Variants in MCTP2 observed in about 807,000 individuals in gnomAD.
MCTP2 encodes the protein multiple C2 and transmembrane domain containing 2.
Under a neutral mutation model 111.6 loss-of-function variants are expected in MCTP2, and 132 were observed. The observed-to-expected ratio is 1.18, with a 90% CI of 1.03 to 1.37. The LOEUF (loss-of-function observed/expected upper bound fraction) is 1.37, where lower values mean the gene tolerates loss of function less well. MCTP2 is among the 40% of genes most tolerant of loss of function. MCTP2 has a pLI of 0.00. For missense variants in MCTP2, 1,183 were observed against 1,067.9 expected, an observed-to-expected ratio of 1.11 and a Z score of -1.50; for synonymous variants, 395 against 387.7, an observed-to-expected ratio of 1.02 and a Z score of -0.22.
intron 4 of MCTP2, among the ~76,000 whole-genome samples, chr15:94,329,224 G>A (rs2152387583): frequency 6.6e-6 from 1 of 152,234 alleles, no homozygotes; most frequent in African/African-American, 2.4e-5. Flanking sequence ...GAAGCCTTTA[G>A]AGTGAAAACA....
At chr15:94,404,680 C>T (rs1218038266) in intron 17 of MCTP2, among the ~76,000 whole-genome samples, 1 of 151,342 alleles carries the variant, frequency 6.6e-6, no homozygotes, top group Non-Finnish European at 1.5e-5. Context: ...AAAACGCCTT[C>T]ATTTATGTAC....
intron 12 of MCTP2, among the ~76,000 whole-genome samples, chr15:94,379,866 CAT>C (rs77018457): frequency 0.029 from 4,124 of 142,414 alleles, 92 homozygotes; most frequent in Non-Finnish European, 0.045. Context: ...TAATATATGA[CAT>C]ATAATCTATA....
intron 1 of MCTP2, among the ~76,000 whole-genome samples, chr15:94,236,631 C>A (rs1310841073): frequency 6.6e-6 from 1 of 151,946 alleles, no homozygotes; most frequent in Non-Finnish European, 1.5e-5. Flanking sequence ...TCTATGCATG[C>A]GTTCATTCAT....
chr15:94,433,900 T>C (rs1484013622), intron 17 of MCTP2, among the ~76,000 whole-genome samples: 3 of 152,206 alleles, frequency 2.0e-5, no homozygotes, highest in Admixed American at 6.5e-5. Flanking sequence ...ATGGCTTTTT[T>C]GTGTTTGAAG....
chr15:94,235,212 C>T (rs1029853146), intron 1 of MCTP2, among the ~76,000 whole-genome samples: 1 of 151,188 alleles, frequency 6.6e-6, no homozygotes, highest in African/African-American at 2.4e-5. Flanking sequence ...CAAGATTGCA[C>T]CATTGCATTC....
At chr15:94,253,980 A>T (rs1020853326) in intron 1 of MCTP2, among the ~76,000 whole-genome samples, 1 of 152,118 alleles carries the variant, frequency 6.6e-6, no homozygotes, top group Admixed American at 6.5e-5. Flanking sequence ...CTAATTTCAA[A>T]TGGTATAGAT....
At chr15:94,388,751 T>A (rs1323260906) in intron 14 of MCTP2, among the ~76,000 whole-genome samples, 1 of 152,186 alleles carries the variant, frequency 6.6e-6, no homozygotes, top group Non-Finnish European at 1.5e-5. Flanking sequence ...AGGCAGCCTT[T>A]ATTATTATGC....
At chr15:94,468,793 T>TA (rs1386379372) in intron 20 of MCTP2, among the ~76,000 whole-genome samples, 1 of 152,144 alleles carries the variant, frequency 6.6e-6, no homozygotes, top group African/African-American at 2.4e-5. Context: ...CACACCCGGC[T>TA]AATTTTTGTA....
intron 10 of MCTP2, among the ~76,000 whole-genome samples, chr15:94,361,084 GTTTTTTTTTT>G (rs67774490): frequency 8.2e-3 from 69 of 8,422 alleles, no homozygotes; most frequent in African/African-American, 0.019. Flanking sequence ...AATATTTCAA[GTTTTTTTTTT>G]TTTTTTTTTT....
At chr15:94,453,108 TA>T (rs1346308032) in intron 19 of MCTP2, among the ~76,000 whole-genome samples, 1 of 152,238 alleles carries the variant, frequency 6.6e-6, no homozygotes, top group African/African-American at 2.4e-5. Flanking sequence ...TCCTCATTTT[TA>T]AACTATTGTA....
chr15:94,383,757 A>G (rs2080290822), intron 12 of MCTP2, among the ~76,000 whole-genome samples: 1 of 152,202 alleles, frequency 6.6e-6, no homozygotes, highest in Admixed American at 6.5e-5. Context: ...GGGAGCTACA[A>G]TTCAAGATGA....
intron 1 of MCTP2, among the ~76,000 whole-genome samples, chr15:94,248,940 A>G (rs1596174930): frequency 6.6e-6 from 1 of 152,222 alleles, no homozygotes; most frequent in African/African-American, 2.4e-5. Context: ...AGGAATGGTA[A>G]TACAGAATTA....
intron 1 of MCTP2, among the ~76,000 whole-genome samples, chr15:94,244,876 TTATA>T (rs1363094495): frequency 4.8e-5 from 7 of 146,424 alleles, no homozygotes; most frequent in Admixed American, 3.4e-4. Context: ...GCACCTATGT[TTATA>T]TACGTATATG....
chr15:94,401,876 C>T (rs771972858), intron 16 of MCTP2, 24 bp from the exon 17 acceptor site: 95 of 1,583,680 alleles, frequency 6.0e-5, no homozygotes, highest in Non-Finnish European at 7.7e-5. Context: ...ATCTAGTTTC[C>T]TGTTTGTCAT....
At chr15:94,284,002 G>C (rs922305123) in intron 1 of MCTP2, among the ~76,000 whole-genome samples, 2 of 152,134 alleles carry the variant, frequency 1.3e-5, no homozygotes, top group African/African-American at 4.8e-5. Context: ...TATAGGTGCA[G>C]GCAAGGATGT....
At chr15:94,390,090 G>GTATA (rs1168909587) in intron 14 of MCTP2, among the ~76,000 whole-genome samples, 7 of 64,916 alleles carry the variant, frequency 1.1e-4, no homozygotes, top group African/African-American at 3.0e-4. Flanking sequence ...ATATATATAT[G>GTATA]TATATATATA....
At chr15:94,475,355 T>C (rs566607299) in intron 21 of MCTP2, among the ~76,000 whole-genome samples, 3 of 152,228 alleles carry the variant, frequency 2.0e-5, no homozygotes, top group East Asian at 3.9e-4. Context: ...CTGGCTCCCA[T>C]TTGCAAAGCA....
chr15:94,442,730 A>T (rs2083852899), intron 18 of MCTP2, among the ~76,000 whole-genome samples, 189 bp from the exon 19 acceptor site: 1 of 152,236 alleles, frequency 6.6e-6, no homozygotes, highest in Admixed American at 6.5e-5. Context: ...TATGTAGATT[A>T]TGCATATTGT....
At chr15:94,247,157 G>A (rs1231455881) in intron 1 of MCTP2, among the ~76,000 whole-genome samples, 4 of 152,154 alleles carry the variant, frequency 2.6e-5, no homozygotes, top group Non-Finnish European at 5.9e-5. Context: ...GTGTGTGCGC[G>A]TGAGTGCATG....
Sources: gnomAD v4.1 joint callset for allele counts (sites outside exome capture counted in the v4.1 genomes callset) on GRCh38, gnomAD v4.1.1 for gene constraint, MANE v1.5 for transcripts, NCBI Gene and HGNC (gene_info 2026-07-23, HGNC 2026-07-21) for gene names.